The following HHAT variants were observed in gnomAD, a reference collection of about 807,000 sequenced individuals.
HHAT encodes the protein protein-cysteine N-palmitoyltransferase HHAT.
Under a neutral mutation model 70.8 loss-of-function variants are expected in HHAT, and 47 were observed. That is an observed-to-expected ratio of 0.66 (90% CI 0.53 to 0.85). The LOEUF (loss-of-function observed/expected upper bound fraction) is 0.85, where lower values mean the gene tolerates loss of function less well. HHAT is among the 40% of genes least tolerant of loss of function. The probability of loss-of-function intolerance (pLI) is 0.00; values close to 1 mark genes in which losing one functional copy is unlikely to be tolerated. For synonymous variants in HHAT, 228 were observed against 247.6 expected, an observed-to-expected ratio of 0.92 and a Z score of 0.74; for missense variants, 609 against 604.8, an observed-to-expected ratio of 1.01 and a Z score of -0.07.
At chr1:210,395,802 A>T (rs539398963) in intron 4 of HHAT, among the ~76,000 whole-genome samples, 1 of 152,270 alleles carries the variant, frequency 6.6e-6, no homozygotes, top group South Asian at 2.1e-4. Flanking sequence ...CTTAGTCATG[A>T]TCTCAAGGTT....
chr1:210,662,670 T>C (rs1677995554), intron 11 of HHAT, among the ~76,000 whole-genome samples: 1 of 151,910 alleles, frequency 6.6e-6, no homozygotes, highest in African/African-American at 2.4e-5. Flanking sequence ...ATATTTGTTT[T>C]TTTTCAGCAC....
chr1:210,393,826 G>A (rs1475262598), intron 4 of HHAT, among the ~76,000 whole-genome samples: 2 of 152,138 alleles, frequency 1.3e-5, no homozygotes, highest in Non-Finnish European at 2.9e-5. Flanking sequence ...CTGGTGGGCC[G>A]GGTTCTGCCT....
intron 7 of HHAT, among the ~76,000 whole-genome samples, chr1:210,446,752 A>T (rs2093643082): frequency 6.6e-6 from 1 of 152,136 alleles, no homozygotes; most frequent in Non-Finnish European, 1.5e-5. Context: ...TGTCATTCCC[A>T]TCTCTGCTTA....
intron 10 of HHAT, among the ~76,000 whole-genome samples, chr1:210,602,883 A>T (rs1184859798): frequency 6.6e-6 from 1 of 152,162 alleles, no homozygotes; most frequent in African/African-American, 2.4e-5. Context: ...TCTCTGTGGG[A>T]ATTGGAAGCC....
rs924954710 is a variant in HHAT at position 210,508,559 on chromosome 1, C to T, written c.1008-4594C>T. Among the ~76,000 whole-genome samples the T allele has an allele frequency of 5.3e-5, 8 of 152,012 alleles. No homozygotes were observed. In the South Asian group the frequency reaches 1.2e-3, roughly 24 times the overall value. The stretch of plus-strand genomic sequence containing the variant: ...GGCATATACATTCTTTAAGCCAAAC[C>T]TTTAGCGTCGTATCAAATATGTTGC... On this transcript the variant is annotated intron_variant, in intron 8 of 11. Transcript: ENST00000261458.
chr1:210,422,742 T>C (rs1426583111), intron 7 of HHAT, among the ~76,000 whole-genome samples: 3 of 152,164 alleles, frequency 2.0e-5, no homozygotes, highest in African/African-American at 4.8e-5. Flanking sequence ...GTTTCAAGTA[T>C]TCTCTTACCT....
At chr1:210,483,359 A>G (rs2094427251) in intron 8 of HHAT, among the ~76,000 whole-genome samples, 1 of 152,204 alleles carries the variant, frequency 6.6e-6, no homozygotes, top group Non-Finnish European at 1.5e-5. Flanking sequence ...AAGAGTAGAG[A>G]GAACACTTCT....
At chr1:210,445,809 A>G in intron 7 of HHAT, among the ~76,000 whole-genome samples, 1 of 151,104 alleles carries the variant, frequency 6.6e-6, no homozygotes, top group East Asian at 1.9e-4. Context: ...TATTTTCTGG[A>G]TTCTCCTTCC....
intron 9 of HHAT, among the ~76,000 whole-genome samples, chr1:210,514,562 CTCT>C (rs2095021263): frequency 6.6e-6 from 1 of 152,098 alleles, no homozygotes; most frequent in Non-Finnish European, 1.5e-5. Flanking sequence ...CAAGTTTGTA[CTCT>C]TCTTATTTTT....
chr1:210,488,174 A>C (rs1046300822), intron 8 of HHAT, among the ~76,000 whole-genome samples: 2 of 152,220 alleles, frequency 1.3e-5, no homozygotes, highest in Non-Finnish European at 2.9e-5. Flanking sequence ...AGCAATTTAT[A>C]ACACAGAAGG....
chr1:210,577,660 TTTTTC>T (rs1354797063), intron 9 of HHAT, among the ~76,000 whole-genome samples: 26 of 128,916 alleles, frequency 2.0e-4, no homozygotes, highest in Admixed American at 4.5e-4. Flanking sequence ...TTTTTTTTTT[TTTTTC>T]GAAATGGAGT....
chr1:210,560,873 C>T (rs1191979310), intron 9 of HHAT, among the ~76,000 whole-genome samples: 1 of 117,596 alleles, frequency 8.5e-6, no homozygotes, highest in African/African-American at 3.1e-5. Flanking sequence ...TGTGGTGGAT[C>T]GTTTTTTTCC....
intron 9 of HHAT, among the ~76,000 whole-genome samples, chr1:210,532,447 C>T (rs2095324859): frequency 6.6e-6 from 1 of 152,154 alleles, no homozygotes; most frequent in Non-Finnish European, 1.5e-5. Context: ...TATTTCATGG[C>T]CTTAGGAAAG....
chr1:210,597,565 T>C (rs955035124), intron 10 of HHAT, among the ~76,000 whole-genome samples: 2 of 152,050 alleles, frequency 1.3e-5, no homozygotes, highest in African/African-American at 4.8e-5. Flanking sequence ...CTGCCACTCT[T>C]CCTTCTCCTT....
intron 9 of HHAT, among the ~76,000 whole-genome samples, chr1:210,540,431 A>AT (rs1278246004): frequency 1.4e-4 from 20 of 144,182 alleles, no homozygotes; most frequent in Middle Eastern, 3.5e-3. Flanking sequence ...TAAATAGGAG[A>AT]TTTTTTCCCT....
intron 3 of HHAT, among the ~76,000 whole-genome samples, chr1:210,375,742 C>T (rs2090142567): frequency 6.6e-6 from 1 of 151,610 alleles, no homozygotes; most frequent in African/African-American, 2.4e-5. Flanking sequence ...AATTTAATGA[C>T]ACCAATGTCA....
chr1:210,478,271 G>A (rs78170963), intron 8 of HHAT, among the ~76,000 whole-genome samples: 2,047 of 152,240 alleles, frequency 0.013, 53 homozygotes, highest in African/African-American at 0.047. Flanking sequence ...TTAATTTTCC[G>A]AAAGTTTTTA....
chr1:210,368,856 T>A lies in HHAT; in HGVS notation c.159+5937T>A, dbSNP rs139212158. ...ACTTTGGGAGGCCGAGGTGGGCGGA[T>A]CACCTGAGGTCAGGAGTCCACGACC... On this transcript the variant is annotated intron_variant, in intron 3 of 11. Transcript: ENST00000261458. Among the ~76,000 whole-genome samples the A allele has an allele frequency of 6.8e-3, 1,032 of 152,192 alleles. 5 individuals carry two copies. Among genetic ancestry groups the A allele is most frequent in the Non-Finnish European group, 0.01 (705 of 68,014 alleles).
chr1:210,641,835 G>A (rs899279049), intron 11 of HHAT, among the ~76,000 whole-genome samples: 2 of 152,120 alleles, frequency 1.3e-5, no homozygotes, highest in African/African-American at 4.8e-5. Flanking sequence ...CCATCCAATC[G>A]TAGGCAATGC....
Sources: gnomAD v4.1 joint callset for allele counts (sites outside exome capture counted in the v4.1 genomes callset) on GRCh38, gnomAD v4.1.1 for gene constraint, MANE v1.5 for transcripts, NCBI Gene and HGNC (gene_info 2026-07-23, HGNC 2026-07-21) for gene names.